Variants in DIS3L2 observed in about 807,000 individuals in gnomAD.
DIS3L2 encodes DIS3-like exonuclease 2.
Under a neutral mutation model 97.5 loss-of-function variants are expected in DIS3L2, and 34 were observed. The ratio of observed to expected loss-of-function variants is 0.35; its 90% confidence interval spans 0.27 to 0.46. The LOEUF (loss-of-function observed/expected upper bound fraction) is 0.46, where lower values mean the gene tolerates loss of function less well. DIS3L2 is among the 20% of genes least tolerant of loss of function. The pLI, the probability that DIS3L2 is intolerant of heterozygous loss-of-function variation, is 1.00. For missense variants in DIS3L2, 1,038 were observed against 1,146.0 expected (o/e 0.91, Z 1.36); for synonymous variants, 435 against 445.2 (o/e 0.98, Z 0.29).
At chr2:232,088,411 A>T (rs912364992) in intron 6 of DIS3L2, among the ~76,000 whole-genome samples, 10 of 150,776 alleles carry the variant, frequency 6.6e-5, no homozygotes, top group Non-Finnish European at 1.2e-4. Context: ...AAAAAAAAAA[A>T]AATAGCCGGG....
chr2:232,052,561 C>T (rs1375365783), intron 5 of DIS3L2, among the ~76,000 whole-genome samples: 1 of 152,186 alleles, frequency 6.6e-6, no homozygotes, highest in Non-Finnish European at 1.5e-5. Context: ...AACTCTGTTT[C>T]CTTTAGCATA....
At chr2:232,245,202 G>A (rs1016913630) in intron 11 of DIS3L2, among the ~76,000 whole-genome samples, 1 of 152,194 alleles carries the variant, frequency 6.6e-6, no homozygotes, top group Non-Finnish European at 1.5e-5. Flanking sequence ...CAGACATGGT[G>A]TTCCACACTT....
At chr2:232,183,414 C>G (rs531970204) in intron 9 of DIS3L2, among the ~76,000 whole-genome samples, 2 of 152,352 alleles carry the variant, frequency 1.3e-5, no homozygotes, top group South Asian at 4.1e-4. Flanking sequence ...TTAAGAGGCT[C>G]TGTGTCGACT....
chr2:232,272,667 C>CT (rs1272128785), intron 13 of DIS3L2, among the ~76,000 whole-genome samples: 1 of 152,180 alleles, frequency 6.6e-6, no homozygotes, highest in African/African-American at 2.4e-5. Context: ...AGAAGGCAAT[C>CT]TAACAGAACA....
At chr2:232,059,569 A>G (rs1574843940) in intron 5 of DIS3L2, among the ~76,000 whole-genome samples, 2 of 152,158 alleles carry the variant, frequency 1.3e-5, no homozygotes, top group African/African-American at 2.4e-5. Context: ...GGTATGGGGT[A>G]TGACTGATCC....
chr2:232,189,083 A>G (rs1691534798), intron 9 of DIS3L2, among the ~76,000 whole-genome samples: 1 of 152,240 alleles, frequency 6.6e-6, no homozygotes, highest in South Asian at 2.1e-4. Context: ...GTTCTAAGCA[A>G]TACCAAGTGC....
At chr2:232,231,227 A>G (rs1482096101) in intron 10 of DIS3L2, among the ~76,000 whole-genome samples, 1 of 152,230 alleles carries the variant, frequency 6.6e-6, no homozygotes, top group African/African-American at 2.4e-5. Context: ...GGACTGGTAC[A>G]TAGTAGGAGC....
intron 6 of DIS3L2, among the ~76,000 whole-genome samples, chr2:232,121,856 C>T (rs1697918053): frequency 6.6e-6 from 1 of 152,156 alleles, no homozygotes; most frequent in East Asian, 1.9e-4. Flanking sequence ...CCCACTTCCC[C>T]ACTAGCATCT....
chr2:232,108,508 T>G (rs1347890387), intron 6 of DIS3L2, among the ~76,000 whole-genome samples: 3 of 152,184 alleles, frequency 2.0e-5, no homozygotes, highest in Admixed American at 2.0e-4. Flanking sequence ...AAGGTTGCTC[T>G]CTCTCACCAC....
Position 232,262,038 on chromosome 2 carries a change from C to G in DIS3L2, c.1426-1169C>G, listed in dbSNP as rs76327631. On this transcript the variant is annotated intron_variant, in intron 12 of 20. Coordinates refer to ENST00000325385, the MANE Select transcript of DIS3L2 (RefSeq NM_152383.5). ...CCTGTGTTGTCTTTGAGTCCCCTTT[C>G]TTAAAGCTCTTTTCTCCTGCTTTTC... 2.8e-3 allele frequency among the ~76,000 whole-genome samples: 431 copies of G among 152,334 alleles called. 1 individual carries two copies. The highest frequency in any genetic ancestry group is 4.7e-3 in the Non-Finnish European group (319 of 68,024).
At chr2:232,074,140 A>G (rs1696115861) in intron 5 of DIS3L2, among the ~76,000 whole-genome samples, 1 of 152,238 alleles carries the variant, frequency 6.6e-6, no homozygotes, top group African/African-American at 2.4e-5. Flanking sequence ...ATTTTAGAAA[A>G]ATGAATTTAT....
intron 6 of DIS3L2, among the ~76,000 whole-genome samples, chr2:232,088,419 G>T (rs943576981): frequency 6.7e-6 from 1 of 148,986 alleles, no homozygotes; most frequent in African/African-American, 2.5e-5. Context: ...AAAAATAGCC[G>T]GGAGTTGTGG....
chr2:231,996,473 G>A (rs955058340), intron 1 of DIS3L2, among the ~76,000 whole-genome samples: 3 of 152,186 alleles, frequency 2.0e-5, no homozygotes, highest in Non-Finnish European at 4.4e-5. Context: ...GTAAGAGAAA[G>A]AATATAATGA....
rs541009660 is a variant in DIS3L2, at chr2:232,308,466, A to AT, written c.1739+8353dup. Among the ~76,000 whole-genome samples the AT allele has an allele frequency of 9.9e-4, 150 of 152,166 alleles. 2 individuals are homozygous for AT. In the South Asian group the frequency reaches 0.011, roughly 12 times the overall value. The stretch of plus-strand genomic sequence containing the variant: ...TAAACTTAACAAGAGAAAATCTTCC[A>AT]TTTTTTCCTGCCTAGCTACTGGACT... On this transcript the variant is annotated intron_variant, in intron 14 of 20. Coordinates refer to ENST00000325385, the MANE Select transcript of DIS3L2 (RefSeq NM_152383.5).
intron 6 of DIS3L2, among the ~76,000 whole-genome samples, chr2:232,116,763 A>C (rs1697726371): frequency 6.6e-6 from 1 of 152,176 alleles, no homozygotes; most frequent in Non-Finnish European, 1.5e-5. Context: ...GATCTTATTT[A>C]ACATTTTACA....
intron 1 of DIS3L2, among the ~76,000 whole-genome samples, chr2:232,013,835 A>T (rs1047844276): frequency 6.6e-6 from 1 of 152,096 alleles, no homozygotes; most frequent in Non-Finnish European, 1.5e-5. Flanking sequence ...TTTATCTGTG[A>T]ATCTCTTTAT....
Position 232,094,985 on chromosome 2 carries a change from T to C in DIS3L2, c.601+7264T>C, listed in dbSNP as rs145063373. On this transcript the variant is annotated intron_variant, in intron 6 of 20. Coordinates refer to ENST00000325385, the MANE Select transcript of DIS3L2 (RefSeq NM_152383.5). ...TAATATAGGTACTTCTCCCCTTTTT[T>C]GGTTTCCATTGGCTTGGAATATCTT... 2.6e-3 allele frequency among the ~76,000 whole-genome samples: 391 copies of C among 152,318 alleles called. 2 individuals are homozygous for C. Among genetic ancestry groups the C allele is most frequent in the African/African-American group, 8.8e-3 (367 of 41,556 alleles).
intron 1 of DIS3L2, among the ~76,000 whole-genome samples, chr2:232,003,740 T>C (rs1693969798): frequency 6.6e-6 from 1 of 152,218 alleles, no homozygotes; most frequent in Non-Finnish European, 1.5e-5. Flanking sequence ...AGTTTTTTTC[T>C]TTTAGCCCTT....
intron 9 of DIS3L2, among the ~76,000 whole-genome samples, chr2:232,205,237 T>TATATATATATATATATAA (rs1553615767): frequency 2.2e-4 from 31 of 141,418 alleles, no homozygotes; most frequent in African/African-American, 7.1e-4. Flanking sequence ...TATATATATA[T>TATATATATATATATATAA]AAAATGCAGT....
Sources: allele counts gnomAD v4.1 joint callset (sites outside exome capture counted in the v4.1 genomes callset), GRCh38; gene constraint gnomAD v4.1.1; transcripts MANE v1.5; gene names NCBI Gene and HGNC (gene_info 2026-07-23, HGNC 2026-07-21).